The following CYLD variants were observed in gnomAD, a reference collection of about 807,000 sequenced individuals.
The protein encoded by CYLD is ubiquitin carboxyl-terminal hydrolase CYLD.
A neutral mutation model predicts 104.5 loss-of-function variants in CYLD; 26 were observed. That is an observed-to-expected ratio of 0.25 (90% CI 0.18 to 0.35). The LOEUF (loss-of-function observed/expected upper bound fraction) is 0.35. Ranked by LOEUF, CYLD falls within the 10% of genes least tolerant of loss-of-function variation. CYLD has a pLI of 1.00. For missense variants in CYLD, 703 were observed against 1,136.1 expected, an observed-to-expected ratio of 0.62 and a Z score of 5.48; for synonymous variants, 385 against 399.9, an observed-to-expected ratio of 0.96 and a Z score of 0.45.
chr16:50,781,417 T>C lies in CYLD; in HGVS notation c.1684+6T>C, dbSNP rs1479477131. 1.9e-6 allele frequency: 3 copies of C among 1,613,130 alleles called. No individual in the cohort carries two copies. Among genetic ancestry groups the C allele is most frequent in the Non-Finnish European group, 1.7e-6 (2 of 1,179,808 alleles). On this transcript the variant is annotated splice_donor_region_variant and intron_variant, in intron 10 of 18. Transcript: ENST00000427738. Reference sequence around the variant, plus strand: ...TGAGCGCTGTAACTCTTTAGGTATTTGGATGCTTTTTGTTTACTTAACAAC... The same window carrying C: ...TGAGCGCTGTAACTCTTTAGGTATTCGGATGCTTTTTGTTTACTTAACAAC...
Position 50,797,789 on chromosome 16 carries a change from G to A in CYLD, c.*1281G>A, listed in dbSNP as rs541682018. ...TATAAAATATTTAATGTGACAAAAA[G>A]TGGAAAGAATCTTTACAAACCCTGC... On this transcript the variant is annotated 3_prime_UTR_variant, in exon 19 of 19. Coordinates refer to ENST00000427738, the MANE Select transcript of CYLD (RefSeq NM_001378743.1). 2 of 232,640 alleles carry A rather than the reference G, an allele frequency of 8.6e-6. 1 individual carries two copies. Among genetic ancestry groups the A allele is most frequent in the African/African-American group, 4.4e-5 (2 of 45,412 alleles). 14.4% of individuals were successfully genotyped at this position (232,640 alleles called of 1,614,324 possible).
In CYLD at chr16:50,800,317, G is replaced by A. The variant is rs1972369217; in HGVS notation, c.*3809G>A. The A allele has an allele frequency of 1.3e-5, 3 of 233,264 alleles. No individual in the cohort carries two copies. In the East Asian group the frequency reaches 1.8e-4, roughly 14 times the overall value. 14.4% of individuals were successfully genotyped at this position (233,264 alleles called of 1,614,324 possible). On this transcript the variant is annotated 3_prime_UTR_variant, in exon 19 of 19. Coordinates refer to ENST00000427738, the MANE Select transcript of CYLD (RefSeq NM_001378743.1). ...TCGTGACCAGCCAGGTGTGAAATCT[G>A]CTAACTGGAAGATCTCAAAGCTTCC...
intron 16 of CYLD, 112 bp from the exon 17 acceptor site, chr16:50,793,434 A>G: frequency 1.2e-6 from 1 of 806,936 alleles, no homozygotes; most frequent in Non-Finnish European, 2.2e-6. Flanking sequence ...GACTTTTTTG[A>G]AGCCATGAAC....
intron 6 of CYLD, among the ~76,000 whole-genome samples, chr16:50,775,716 A>T (rs1969605980): frequency 6.6e-6 from 1 of 152,226 alleles, no homozygotes; most frequent in Non-Finnish European, 1.5e-5. Context: ...AGCATATTAA[A>T]GGCTCTGGTT....
chr16:50,755,163 G>A (rs62029867), intron 5 of CYLD, among the ~76,000 whole-genome samples: 8 of 33,010 alleles, frequency 2.4e-4, no homozygotes, highest in African/African-American at 1.4e-3. Context: ...ATATACACAC[G>A]TGTACATATG....
intron 11 of CYLD, 75 bp downstream of exon 11, chr16:50,782,541 TGC>T (rs58882123): frequency 1.8e-5 from 25 of 1,415,546 alleles, no homozygotes; most frequent in Non-Finnish European, 2.1e-5. Flanking sequence ...TGTGTGTGTG[TGC>T]GTGTGAGTGT....
Position 50,796,706 on chromosome 16 carries a change from T to A in CYLD, c.*198T>A. On this transcript the variant is annotated 3_prime_UTR_variant, in exon 19 of 19. Transcript: ENST00000427738. ...ATTTAATAAGAAGCATTTTGCACTC[T>A]AGAAAGTATGTTTGTGTTGGTTTTT... The A allele has an allele frequency of 1.7e-6, 1 of 598,442 alleles. No homozygotes were observed. The highest frequency in any genetic ancestry group is 3.0e-6 in the Non-Finnish European group (1 of 335,322). 37.1% of individuals were successfully genotyped at this position (598,442 alleles called of 1,614,324 possible).
At chr16:50,780,746 T>G (rs1970140386) in intron 9 of CYLD, among the ~76,000 whole-genome samples, 1 of 152,160 alleles carries the variant, frequency 6.6e-6, no homozygotes, top group South Asian at 2.1e-4. Flanking sequence ...CTCAAACTCC[T>G]GGACTCAAGT....
rs777366269 is a variant in CYLD at position 50,749,600 on chromosome 16, A to C, written c.-99A>C. 10 of 1,253,578 alleles carry C rather than the reference A, an allele frequency of 8.0e-6. No homozygotes were observed. Among genetic ancestry groups the C allele is most frequent in the Non-Finnish European group, 1.1e-5 (10 of 888,506 alleles). 77.7% of individuals were successfully genotyped at this position (1,253,578 alleles called of 1,614,324 possible). A position where few individuals can be genotyped will look rare whatever the true frequency, so the allele number is the denominator to read the frequency against. Reference sequence around the variant, plus strand: ...GCATGGACACCACGTTGCTGAAAACATGCTTTGGGACTGCCACTGAATTTA... The same window carrying C: ...GCATGGACACCACGTTGCTGAAAACCTGCTTTGGGACTGCCACTGAATTTA... On this transcript the variant is annotated 5_prime_UTR_variant, in exon 3 of 19. It removes an upstream start codon present in the reference 5' UTR. Coordinates refer to ENST00000427738, the MANE Select transcript of CYLD (RefSeq NM_001378743.1).
At chr16:50,756,549 A>G (rs1967263139) in intron 5 of CYLD, among the ~76,000 whole-genome samples, 1 of 152,192 alleles carries the variant, frequency 6.6e-6, no homozygotes, top group Admixed American at 6.5e-5. Flanking sequence ...GGTAATTGAC[A>G]ATTTCTGTTG....
At chr16:50,752,861 A>G (rs189483785) in intron 4 of CYLD, among the ~76,000 whole-genome samples, 2 of 152,302 alleles carry the variant, frequency 1.3e-5, no homozygotes, top group African/African-American at 4.8e-5. Flanking sequence ...ATTGGATTAT[A>G]CCTGTGGCAC....
At chr16:50,790,538 G>A (rs1009910986) in intron 14 of CYLD, among the ~76,000 whole-genome samples, 1 of 151,818 alleles carries the variant, frequency 6.6e-6, no homozygotes, top group African/African-American at 2.4e-5. Context: ...ATCAACAACT[G>A]ATTAAAACAT....
At position 50,793,528 on chromosome 16, in the gene CYLD, C is replaced by T. The variant is rs953229558; in HGVS notation, c.2351-18C>T. ...TTTTAAAGTCCTCTTAACTTCCCTT[C>T]CCCTTCTCACATTTCAGCTCCCAGA... On this transcript the variant is annotated intron_variant, in intron 16 of 18. Transcript: ENST00000427738. 1 of 1,508,276 alleles carries T rather than the reference C, an allele frequency of 6.6e-7. No homozygotes were observed. Among genetic ancestry groups the T allele is most frequent in the African/African-American group, 1.4e-5 (1 of 72,990 alleles). 93.4% of individuals were successfully genotyped at this position (1,508,276 alleles called of 1,614,324 possible). A position where few individuals can be genotyped will look rare whatever the true frequency, so the allele number is the denominator to read the frequency against.
intron 2 of CYLD, 101 bp downstream of exon 2, chr16:50,742,942 T>G (rs1186346660): frequency 1.3e-5 from 5 of 397,012 alleles, no homozygotes; most frequent in Non-Finnish European, 1.8e-5. Context: ...GAGATGGTGT[T>G]GAGTTTGGTA....
intron 4 of CYLD, among the ~76,000 whole-genome samples, chr16:50,753,600 CTTCT>C (rs1431554478): frequency 2.0e-5 from 3 of 152,226 alleles, no homozygotes; most frequent in Non-Finnish European, 4.4e-5. Context: ...AATGCTAGAA[CTTCT>C]TTCTTTATCT....
chr16:50,756,625 A>G (rs1161717572), intron 5 of CYLD, among the ~76,000 whole-genome samples: 1 of 152,206 alleles, frequency 6.6e-6, no homozygotes, highest in African/African-American at 2.4e-5. Context: ...GGCTAGTGCA[A>G]TAAAGCCAAC....
At chr16:50,793,449 T>C (rs1597090705) in intron 16 of CYLD, 97 bp from the exon 17 acceptor site, 2 of 856,098 alleles carry the variant, frequency 2.3e-6, no homozygotes, top group African/African-American at 3.3e-5. Flanking sequence ...ATGAACATTG[T>C]CCTTTTTAAA....
intron 2 of CYLD, among the ~76,000 whole-genome samples, chr16:50,747,273 G>A (rs1276798667): frequency 6.6e-6 from 1 of 152,004 alleles, no homozygotes; most frequent in Non-Finnish European, 1.5e-5. Flanking sequence ...TCACTACCTG[G>A]CTTCTCAGAA....
In CYLD at chr16:50,750,010, C is replaced by G. The variant is rs748011223; in HGVS notation, c.312C>G (p.Thr104=). The G allele has an allele frequency of 1.1e-5, 17 of 1,613,892 alleles. 1 individual carries two copies. In the South Asian group the frequency reaches 1.8e-4, roughly 17 times the overall value. The change falls in exon 3 of 19, where the codon ACC becomes ACG. Residue 104 remains threonine (T), a synonymous_variant. Transcript: ENST00000427738. ...TCACAGAGTTACTTTTGGCAATTAC[C>G]AATTGTGAGGAGAGGTTCAGCCTGT... ...EKFTELLLAI[T]NCEERFSLFK...
Sources: gnomAD v4.1 joint callset for allele counts (sites outside exome capture counted in the v4.1 genomes callset) on GRCh38, gnomAD v4.1.1 for gene constraint, MANE v1.5 for transcripts, NCBI Gene and HGNC (gene_info 2026-07-23, HGNC 2026-07-21) for gene names.